RNF169: variants seen among roughly 807,000 people sequenced by gnomAD.
The protein encoded by RNF169 is ring finger protein 169.
A neutral mutation model predicts 53.9 loss-of-function variants in RNF169; 24 were observed. The observed-to-expected ratio is 0.45, with a 90% confidence interval of 0.32 to 0.63. The LOEUF (loss-of-function observed/expected upper bound fraction) is 0.63, where lower values mean the gene tolerates loss of function less well. RNF169 is among the 20% of genes least tolerant of loss of function. RNF169 has a pLI of 0.04. For synonymous variants in RNF169, 396 were observed against 363.5 expected, an observed-to-expected ratio of 1.09 and a Z score of -1.02; for missense variants, 883 against 906.2, an observed-to-expected ratio of 0.97 and a Z score of 0.33.
At chr11:74,823,524 T>G (rs753526121) in intron 4 of RNF169, among the ~76,000 whole-genome samples, 4 of 151,882 alleles carry the variant, frequency 2.6e-5, no homozygotes, top group Non-Finnish European at 5.9e-5. Flanking sequence ...TTGCTTGAGC[T>G]CTGGAGTTTG....
Position 74,822,687 on chromosome 11 carries a change from G to A in RNF169, c.842+4973G>A, listed in dbSNP as rs1157957797. On this transcript the variant is annotated intron_variant, in intron 4 of 5. Transcript: ENST00000299563. ...CTCATTTCTCTGTCTATGAATTGGG[G>A]ATGATGACACCTGTGTCATAGAGTC... is the stretch of plus-strand genomic sequence containing the variant. Among the ~76,000 whole-genome samples, 3 of 152,114 alleles carry A rather than the reference G, an allele frequency of 2.0e-5. No individual in the cohort carries two copies. In the East Asian group the frequency reaches 5.8e-4, roughly 29 times the overall value.
At chr11:74,773,653 C>G (rs1029910612) in intron 1 of RNF169, among the ~76,000 whole-genome samples, 1 of 152,064 alleles carries the variant, frequency 6.6e-6, no homozygotes, top group Non-Finnish European at 1.5e-5. Context: ...AAATTTTTCA[C>G]TAAATACTTC....
intron 4 of RNF169, 62 bp downstream of exon 4, chr11:74,817,776 A>T (rs887614807): frequency 1.1e-5 from 11 of 1,005,300 alleles, no homozygotes; most frequent in Non-Finnish European, 1.6e-5. Context: ...GATAAAAGGG[A>T]CTGGGGGAGC....
chr11:74,815,281 C>T (rs1268275865), intron 3 of RNF169, among the ~76,000 whole-genome samples: 1 of 152,160 alleles, frequency 6.6e-6, no homozygotes, highest in Non-Finnish European at 1.5e-5. Context: ...TGGCGCTGGG[C>T]GCGGTGGCTC....
chr11:74,756,579 A>G (rs1241210420), intron 1 of RNF169, among the ~76,000 whole-genome samples: 1 of 152,228 alleles, frequency 6.6e-6, no homozygotes. Context: ...TGGGTCAGGA[A>G]TGGCTTCAGT....
chr11:74,807,775 C>G (rs2035825183), intron 2 of RNF169: 1 of 152,180 alleles, frequency 6.6e-6, no homozygotes, highest in South Asian at 2.1e-4. Context: ...TAAAATGCTA[C>G]TTTCTCACCC....
chr11:74,808,191 TAAAAA>T (rs1263780561), intron 2 of RNF169: 1 of 151,894 alleles, frequency 6.6e-6, no homozygotes, highest in Non-Finnish European at 1.5e-5. Context: ...GAGACTCTAT[TAAAAA>T]ATAAAATTAA....
At chr11:74,814,910 T>C (rs2035923206) in intron 3 of RNF169, among the ~76,000 whole-genome samples, 2 of 152,198 alleles carry the variant, frequency 1.3e-5, no homozygotes, top group African/African-American at 4.8e-5. Flanking sequence ...TTTAACATTT[T>C]TGGTGTTTAT....
rs2034844054 is a variant in RNF169, at chr11:74,749,225, C to T, written c.345C>T (p.Arg115=). The T allele has an allele frequency of 8.4e-6, 9 of 1,076,538 alleles. No homozygotes were observed. Among genetic ancestry groups the T allele is most frequent in the Non-Finnish European group, 9.0e-6 (8 of 891,444 alleles). 66.7% of individuals were successfully genotyped at this position (1,076,538 alleles called of 1,614,324 possible). ...GCGCCCGCGGCCCAGGCTGGGCCCG[C>T]CGTCGGGCCCGCGACGACGGCCAGG... ...RCRARGPGWA[R]RRARDDGQAD... Residue 115 remains arginine, a synonymous_variant, in exon 1 of 6, where the codon CGC becomes CGT. Coordinates refer to ENST00000299563, the MANE Select transcript of RNF169 (RefSeq NM_001098638.2).
intron 1 of RNF169, among the ~76,000 whole-genome samples, chr11:74,763,028 GAA>G (rs1303636412): frequency 6.6e-6 from 1 of 152,134 alleles, no homozygotes; most frequent in Admixed American, 6.5e-5. Flanking sequence ...GCTAGAAAAA[GAA>G]AATCTTCCCT....
intron 4 of RNF169, among the ~76,000 whole-genome samples, chr11:74,828,640 A>G (rs1201437123): frequency 6.6e-6 from 1 of 152,186 alleles, no homozygotes; most frequent in Non-Finnish European, 1.5e-5. Flanking sequence ...TATTGATACA[A>G]GAACAGACAG....
Position 74,765,529 on chromosome 11 carries a change from G to A in RNF169, c.502+16147G>A, listed in dbSNP as rs182492864. Among the ~76,000 whole-genome samples the A allele has an allele frequency of 5.3e-4, 81 of 152,164 alleles. 1 individual carries two copies. The East Asian group carries it at 0.014, about 27-fold the overall frequency. On this transcript the variant is annotated intron_variant, in intron 1 of 5. Transcript: ENST00000299563. ...GTAAAGAACAAAACCAGCCGGGTGC[G>A]GTGGCTCACGCCTGCAATCCCAGCA...
chr11:74,814,299 C>T (rs1396565885), intron 3 of RNF169, among the ~76,000 whole-genome samples: 2 of 151,502 alleles, frequency 1.3e-5, no homozygotes, highest in Non-Finnish European at 2.9e-5. Context: ...TACTATACTC[C>T]AGCCTGGGTG....
At chr11:74,802,337 G>C (rs541746221) in intron 2 of RNF169, among the ~76,000 whole-genome samples, 16 of 152,168 alleles carry the variant, frequency 1.1e-4, no homozygotes, top group African/African-American at 3.9e-4. Flanking sequence ...TTGTTGGAAG[G>C]ACCTTTTATA....
intron 1 of RNF169, among the ~76,000 whole-genome samples, chr11:74,756,740 T>C (rs1477443699): frequency 6.6e-6 from 1 of 152,102 alleles, no homozygotes; most frequent in Non-Finnish European, 1.5e-5. Flanking sequence ...ATAGAGTGCA[T>C]GTGGGAGAGT....
At chr11:74,758,555 G>A (rs1301609938) in intron 1 of RNF169, among the ~76,000 whole-genome samples, 1 of 151,298 alleles carries the variant, frequency 6.6e-6, no homozygotes, top group Non-Finnish European at 1.5e-5. Flanking sequence ...AGGCTGGAGT[G>A]CAGTGGCGGG....
intron 1 of RNF169, among the ~76,000 whole-genome samples, chr11:74,775,226 A>T (rs889998481): frequency 4.6e-5 from 7 of 151,640 alleles, no homozygotes; most frequent in Non-Finnish European, 1.0e-4. Context: ...TAAGTCAATG[A>T]AGAGGTAAAG....
Position 74,749,026 on chromosome 11 carries a change from T to C in RNF169, c.146T>C (p.Val49Ala). The C allele has an allele frequency of 6.7e-7, 1 of 1,481,664 alleles. No individual in the cohort carries two copies. The highest frequency in any genetic ancestry group is 2.9e-5 in the East Asian group (1 of 34,262). 91.8% of individuals were successfully genotyped at this position (1,481,664 alleles called of 1,614,324 possible). A position where few individuals can be genotyped will look rare whatever the true frequency, so the allele number is the denominator to read the frequency against. The stretch of plus-strand genomic sequence containing the variant: ...CCGGCTTCTGGACCTTCGCTGTTGG[T>C]GTTGTCGCCGCCGTTGCTGCAGCCG... ...PGPASGPSLLVLSPPLLQPPL... is the reference protein window; with the variant it reads ...PGPASGPSLLALSPPLLQPPL... Residue 49 changes from valine (V) to alanine (A), a missense_variant, in exon 1 of 6, where the codon GTG (valine) becomes GCG (alanine). Physicochemically the swap from Val to Ala is moderately conservative, Grantham distance 64 (BLOSUM62 0). This residue lies in a region of RNF169 where 313 missense variants were observed against 279.9 expected (regional missense o/e 1.12). Transcript: ENST00000299563.
Position 74,790,824 on chromosome 11 carries a change from C to G in RNF169, c.576+1125C>G, listed in dbSNP as rs568976139. On this transcript the variant is annotated intron_variant, in intron 2 of 5. Transcript: ENST00000299563. ...ACTGGAAGCTTGGAGATGCCAGGAA[C>G]TGCATAGCCCCAAAGAGGGTGTCAC... Among the ~76,000 whole-genome samples the G allele has an allele frequency of 2.0e-5, 3 of 152,372 alleles. No homozygotes were observed. In the South Asian group the frequency reaches 6.2e-4, roughly 32 times the overall value.
Sources: gnomAD v4.1 joint callset for allele counts (sites outside exome capture counted in the v4.1 genomes callset) on GRCh38, gnomAD v4.1.1 for gene constraint, gnomAD v4.1.1 regional missense constraint, MANE v1.5 for transcripts, NCBI Gene and HGNC (gene_info 2026-07-23, HGNC 2026-07-21) for gene names.